The following MKI67 variants were observed in gnomAD, a reference collection of about 807,000 sequenced individuals.
The protein encoded by MKI67 is marker of proliferation Ki-67, also known as proliferation marker protein Ki-67.
MKI67 carries 152 observed loss-of-function variants against 233.5 expected under a neutral mutation model. The ratio of observed to expected loss-of-function variants is 0.65; its 90% confidence interval spans 0.57 to 0.74. The LOEUF is 0.74. Ranked by LOEUF, MKI67 falls within the 30% of genes least tolerant of loss-of-function variation. MKI67 has a pLI of 0.00. For synonymous variants in MKI67, 1,465 were observed against 1,418.5 expected, an observed-to-expected ratio of 1.03 and a Z score of -0.74; for missense variants, 3,940 against 3,885.2, an observed-to-expected ratio of 1.01 and a Z score of -0.37.
In MKI67 at chr10:128,111,707, G is replaced by A. The variant is rs375984033; in HGVS notation, c.2198C>T (p.Pro733Leu). The change falls in exon 11 of 15, where the codon CCC becomes CTC. Residue 733 changes from proline (P) to leucine (L), a missense_variant. By Grantham distance (98) the Pro-to-Leu change is moderately conservative. Transcript: ENST00000368654. ...HTEKVHVPAR[P>L]YRVLNNFISN... ...AATGAAGTTGTTGAGCACTCTGTAGGGTCGAGCAGGCACATGTACTTTTTC... is the reference window on the plus strand; with the variant it reads ...AATGAAGTTGTTGAGCACTCTGTAGAGTCGAGCAGGCACATGTACTTTTTC... 3.7e-6 allele frequency: 6 copies of A among 1,614,114 alleles called. No individual in the cohort carries two copies. Among genetic ancestry groups the A allele is most frequent in the East Asian group, 2.2e-5 (1 of 44,878 alleles).
Position 128,107,761 on chromosome 10 carries a change from T to C in MKI67, c.4079A>G (p.Glu1360Gly). ...KELFQTPGHT[E>G]EAVAAGKTTK... ...AGTTTTGCCAGCAGCCACTGCTTCT[T>C]CAGTATGACCAGGGGTCTGGAAGAG... Residue 1360 changes from glutamate to glycine, a missense_variant, in exon 13 of 15, where the codon GAA (glutamate) becomes GGA (glycine). Glu to Gly is a moderately conservative substitution (Grantham distance 98). Transcript: ENST00000368654. 6.2e-7 allele frequency: 1 copy of C among 1,613,948 alleles called. No homozygotes were observed. The highest frequency in any genetic ancestry group is 8.5e-7 in the Non-Finnish European group (1 of 1,179,990).
intron 2 of MKI67, among the ~76,000 whole-genome samples, chr10:128,124,625 C>T (rs935659848): frequency 3.3e-5 from 5 of 152,144 alleles, no homozygotes; most frequent in Admixed American, 2.0e-4. Flanking sequence ...GCCCTACACA[C>T]GTGATTAGTA....
At chr10:128,122,649 C>T (rs1192188980) in intron 4 of MKI67, among the ~76,000 whole-genome samples, 2 of 152,136 alleles carry the variant, frequency 1.3e-5, no homozygotes, top group Non-Finnish European at 2.9e-5. Context: ...ACAAGGTCAA[C>T]CTCCCTCTGC....
At position 128,105,410 on chromosome 10, in the gene MKI67, T is replaced by C. The variant is rs780391302; in HGVS notation, c.6430A>G (p.Thr2144Ala). 3.7e-6 allele frequency: 6 copies of C among 1,614,082 alleles called. No individual in the cohort carries two copies. In the Admixed American group the frequency reaches 6.7e-5, roughly 18 times the overall value. Residue 2144 changes from threonine (T) to alanine (A), a missense_variant, in exon 13 of 15, where the codon ACA (threonine) becomes GCA (alanine). Coordinates refer to ENST00000368654, the MANE Select transcript of MKI67 (RefSeq NM_002417.5). ...TCTCCTGGTACTTTGTCTGTGTGTG[T>C]GGTCTGTGTGAGCTGCTTCAGGGCT... Reference protein sequence around the residue: ...LSALKQLTQTTHTDKVPGDED... With the variant: ...LSALKQLTQTAHTDKVPGDED...
rs756171296 is a variant in MKI67, at chr10:128,104,592, A to G, written c.7248T>C (p.Asn2416=). 6.2e-7 allele frequency: 1 copy of G among 1,613,556 alleles called. No homozygotes were observed. The highest frequency in any genetic ancestry group is 1.1e-5 in the South Asian group (1 of 91,062). Residue 2416 remains asparagine, a synonymous_variant, in exon 13 of 15, where the codon AAT becomes AAC. Coordinates refer to ENST00000368654, the MANE Select transcript of MKI67 (RefSeq NM_002417.5). ...TPVQKLDLLG[N]LPGSKRQPQT... ...GTGGCTGTCTCTTGCTGCCAGGTAA[A>G]TTTCCTAGCAGGTCCAGTTTCTGCA...
chr10:128,109,488 C>A, intron 12 of MKI67, 65 bp from the exon 13 acceptor site: 1 of 1,509,502 alleles, frequency 6.6e-7, no homozygotes, highest in Non-Finnish European at 8.9e-7. Flanking sequence ...AGTATTACAG[C>A]CTCATAAAAT....
Position 128,096,999 on chromosome 10 carries a change from G to C in MKI67, c.*2191C>G, listed in dbSNP as rs1450141447. On this transcript the variant is annotated 3_prime_UTR_variant, in exon 15 of 15. Transcript: ENST00000368654. ...AGTTCCAGGCAGGGAAAACAGCAGGGAGTGTGTGGTGGTTGGAGGTGCCTG... is the reference window on the plus strand; with the variant it reads ...AGTTCCAGGCAGGGAAAACAGCAGGCAGTGTGTGGTGGTTGGAGGTGCCTG... 6.5e-6 allele frequency: 1 copy of C among 152,780 alleles called. No homozygotes were observed. Among genetic ancestry groups the C allele is most frequent in the Non-Finnish European group, 1.5e-5 (1 of 68,510 alleles). The allele number at this position is 152,780 out of a possible 1,614,324, so 9.5% of individuals were successfully genotyped here.
At position 128,102,614 on chromosome 10, in the gene MKI67, C is replaced by T. The variant is rs773345067; in HGVS notation, c.9226G>A (p.Glu3076Lys). The stretch of plus-strand genomic sequence containing the variant: ...GGGACCGAGTCTTGTAATTTGTGTT[C>T]CTCTTTGTTGGTTTTCATGTCGTTG... ...NSNDMKTNKE[E>K]HKLQDSVPEN... Residue 3076 changes from glutamate (E) to lysine (K), a missense_variant, in exon 13 of 15, where the codon GAA (glutamate) becomes AAA (lysine). Coordinates refer to ENST00000368654, the MANE Select transcript of MKI67 (RefSeq NM_002417.5). The T allele has an allele frequency of 6.2e-7, 1 of 1,614,106 alleles. No individual in the cohort carries two copies. The highest frequency in any genetic ancestry group is 8.5e-7 in the Non-Finnish European group (1 of 1,179,964).
rs750187841 is a variant in MKI67 at position 128,103,891 on chromosome 10, G to A, written c.7949C>T (p.Ala2650Val). Residue 2650 changes from alanine (A) to valine (V), a missense_variant, in exon 13 of 15, where the codon GCA (alanine) becomes GTA (valine). Physicochemically the swap from Ala to Val is moderately conservative, Grantham distance 64. Transcript: ENST00000368654. Reference protein sequence around the residue: ...DEGIKVLKQRAKKKPNPVEEE... With the variant: ...DEGIKVLKQRVKKKPNPVEEE... ...TTCTACTGGGTTTGGTTTCTTCTTT[G>A]CACGTTGCTTCAATACTTTGATGCC... 28 of 1,613,712 alleles carry A rather than the reference G, an allele frequency of 1.7e-5. No individual in the cohort carries two copies. The highest frequency in any genetic ancestry group is 4.2e-6 in the Non-Finnish European group (5 of 1,179,990).
Position 128,115,406 on chromosome 10 carries a change from G to T in MKI67, c.1002C>A (p.Gly334=). The change falls in exon 7 of 15, where the codon GGC becomes GGA. Residue 334 remains glycine, a synonymous_variant. Transcript: ENST00000368654. ...CCGGCTCATAGAGAGGAAAGCTGGC[G>T]CCCACAGCCTTGCTGGGAGTCTGAA... ...ESVQTPSKAV[G]ASFPLYEPAK... The T allele has an allele frequency of 6.2e-7, 1 of 1,614,050 alleles. No homozygotes were observed. Among genetic ancestry groups the T allele is most frequent in the Non-Finnish European group, 8.5e-7 (1 of 1,180,002 alleles).
chr10:128,106,515 CGTTT>C lies in MKI67; in HGVS notation c.5321_5324del (p.Gln1774ArgfsTer15). On this transcript the variant is annotated frameshift_variant, in exon 13 of 15. Coordinates refer to ENST00000368654, the MANE Select transcript of MKI67 (RefSeq NM_002417.5). LOFTEE classifies it high-confidence loss of function. Reference sequence around the variant, plus strand: ...TGTGCATGGCTTTGCCTGCTGATGGCGTTTGTTTCCTAAATGCTAAAAATTCTTC... The same window carrying C: ...TGTGCATGGCTTTGCCTGCTGATGGCGTTTCCTAAATGCTAAAAATTCTTC... 1 of 1,612,510 alleles carries C rather than the reference CGTTT, an allele frequency of 6.2e-7. No individual in the cohort carries two copies. The highest frequency in any genetic ancestry group is 8.5e-7 in the Non-Finnish European group (1 of 1,179,468).
At position 128,098,330 on chromosome 10, in the gene MKI67, G is replaced by C. The variant is rs759181414; in HGVS notation, c.*860C>G. On this transcript the variant is annotated 3_prime_UTR_variant, in exon 15 of 15. Coordinates refer to ENST00000368654, the MANE Select transcript of MKI67 (RefSeq NM_002417.5). ...GAGTACTGGTGTCACTTCCTGTACT[G>C]GGTGGCATCGGGCTGCCAGATAGAG... 1 of 152,172 alleles carries C rather than the reference G, an allele frequency of 6.6e-6. No homozygotes were observed. The highest frequency in any genetic ancestry group is 2.4e-5 in the African/African-American group (1 of 41,414). The allele number at this position is 152,172 out of a possible 1,614,324, so 9.4% of individuals were successfully genotyped here.
In MKI67 at chr10:128,125,351, T is replaced by A. The variant is rs1774917704; in HGVS notation, c.92+225A>T. ...CGCAACATTAGCAAATCGATTTTTT[T>A]AATTGGCTTGATTTTTAAAACCACT... is the stretch of plus-strand genomic sequence containing the variant. On this transcript the variant is annotated intron_variant, in intron 2 of 14. Transcript: ENST00000368654. This position sits in a 1 kb window ranked among gnomAD's most constrained non-coding sequence, Gnocchi z 5.3. Among the ~76,000 whole-genome samples the A allele has an allele frequency of 2.0e-5, 3 of 152,306 alleles. No individual in the cohort carries two copies. The highest frequency in any genetic ancestry group is 1.3e-4 in the Admixed American group (2 of 15,304).
Position 128,123,121 on chromosome 10 carries a change from T to C in MKI67, c.141A>G (p.Gln47=), listed in dbSNP as rs2136152236. The C allele has an allele frequency of 1.2e-6, 2 of 1,614,048 alleles. No homozygotes were observed. The highest frequency in any genetic ancestry group is 1.3e-5 in the African/African-American group (1 of 75,060). The part of the protein sequence containing the change: ...IRIQLPVVSK[Q]HCKIEIHEQE... ...GCTCATGGATTTCAATTTTGCAATG[T>C]TGTTTTGACACAACAGGAAGCTGGA... The change falls in exon 3 of 15, where the codon CAA becomes CAG. Residue 47 remains glutamine, a synonymous_variant. Transcript: ENST00000368654.
chr10:128,104,960 C>G lies in MKI67; in HGVS notation c.6880G>C (p.Gly2294Arg). ...CATCTTTTGCTGCCAGGTAAATTTC[C>G]TGGCAGGTCCAATTTCTGCACTGGA... ...GTPVQKLDLP[G>R]NLPGSKRWPQ... The change falls in exon 13 of 15, where the codon GGA becomes CGA. Residue 2294 changes from glycine to arginine, a missense_variant. Transcript: ENST00000368654. 6.2e-7 allele frequency: 1 copy of G among 1,613,528 alleles called. No individual in the cohort carries two copies. Among genetic ancestry groups the G allele is most frequent in the East Asian group, 2.2e-5 (1 of 44,796 alleles).
chr10:128,109,414 A>G lies in MKI67; in HGVS notation c.2426T>C (p.Val809Ala), dbSNP rs1270331578. 6.2e-7 allele frequency: 1 copy of G among 1,606,116 alleles called. No individual in the cohort carries two copies. The highest frequency in any genetic ancestry group is 1.1e-5 in the South Asian group (1 of 90,526). The change falls in exon 13 of 15, where the codon GTG becomes GCG. Residue 809 changes from valine to alanine, a missense_variant. Val to Ala is a moderately conservative substitution (Grantham distance 64). Coordinates refer to ENST00000368654, the MANE Select transcript of MKI67 (RefSeq NM_002417.5). ...TGCTGCATTCTGTGCACTGAAGAAC[A>G]CATTTCCTCCTGAAATAAAAACATA... ...LPTSESFGGNVFFSAQNAAKQ... is the reference protein window; with the variant it reads ...LPTSESFGGNAFFSAQNAAKQ...
rs746311576 is a variant in MKI67 at position 128,104,871 on chromosome 10, G to A, written c.6969C>T (p.Phe2323=). The part of the protein sequence containing the change: ...LEDLAGFKEL[F]QTPGTDKPTT... ...TGGGCTTGTCAGTGCCTGGTGTCTG[G>A]AAGAGCTCTTTGAAGCCAGCCAGGT... The change falls in exon 13 of 15, where the codon TTC becomes TTT. Residue 2323 remains phenylalanine (F), a synonymous_variant. Transcript: ENST00000368654. 1 of 1,611,938 alleles carries A rather than the reference G, an allele frequency of 6.2e-7. No individual in the cohort carries two copies. The highest frequency in any genetic ancestry group is 1.1e-5 in the South Asian group (1 of 90,972).
At position 128,122,901 on chromosome 10, in the gene MKI67, A is replaced by G. The variant is rs376362211; in HGVS notation, c.267T>C (p.Thr89=). Residue 89 remains threonine, a synonymous_variant, in exon 4 of 15, where the codon ACT becomes ACC. Transcript: ENST00000368654. ...CCTACCTGAAGGAACGATCAATAAT[A>G]GTTATTACATCTCCATGTTTTAGCC... The part of the protein sequence containing the change: ...PVRLKHGDVI[T]IIDRSFRYEN... 1 of 1,578,634 alleles carries G rather than the reference A, an allele frequency of 6.3e-7. No individual in the cohort carries two copies. Among genetic ancestry groups the G allele is most frequent in the Non-Finnish European group, 8.7e-7 (1 of 1,154,406 alleles).
At chr10:128,111,869 GA>G in intron 10 of MKI67, 53 bp from the exon 11 acceptor site, 2 of 1,607,004 alleles carry the variant, frequency 1.2e-6, no homozygotes, top group Non-Finnish European at 1.7e-6. Flanking sequence ...AATCCACACT[GA>G]ATGCAAGCTT....
Sources: gnomAD v4.1 joint callset for allele counts (sites outside exome capture counted in the v4.1 genomes callset) on GRCh38, gnomAD v4.1.1 for gene constraint, Gnocchi (gnomAD v3.1) non-coding constraint, MANE v1.5 for transcripts, NCBI Gene and HGNC (gene_info 2026-07-23, HGNC 2026-07-21) for gene names.